The following MRS2 variants were observed in gnomAD, a reference collection of about 807,000 sequenced individuals.
MRS2 encodes the protein magnesium transporter MRS2.
MRS2 carries 40 observed loss-of-function variants against 52.6 expected under a neutral mutation model. The observed-to-expected ratio is 0.76, with a 90% CI of 0.59 to 0.99. MRS2 has a LOEUF of 0.99. Ranked by LOEUF, MRS2 falls within the 50% of genes least tolerant of loss-of-function variation. MRS2 has a pLI of 0.00. For synonymous variants in MRS2, 193 were observed against 195.9 expected (o/e 0.98, Z 0.13); for missense variants, 472 against 532.7 (o/e 0.89, Z 1.12).
intron 9 of MRS2, among the ~76,000 whole-genome samples, chr6:24,421,862 T>C (rs960549094): frequency 3.3e-5 from 5 of 152,180 alleles, no homozygotes; most frequent in African/African-American, 1.2e-4. Context: ...ACATATTGCA[T>C]ATAGGACTGG....
chr6:24,422,024 C>G (rs1426178269), intron 9 of MRS2, among the ~76,000 whole-genome samples: 1 of 150,838 alleles, frequency 6.6e-6, no homozygotes, highest in Non-Finnish European at 1.5e-5. Context: ...TGCCGCACAC[C>G]TGTAATCCCA....
At chr6:24,423,238 TAAAC>T (rs1483954729) in intron 10 of MRS2, 188 bp downstream of exon 10, 1 of 559,450 alleles carries the variant, frequency 1.8e-6, no homozygotes, top group Non-Finnish European at 3.2e-6. Flanking sequence ...TGGGAAGAAT[TAAAC>T]AATATGTGTA....
chr6:24,411,149 C>A (rs1761635485), intron 4 of MRS2, among the ~76,000 whole-genome samples: 1 of 150,388 alleles, frequency 6.6e-6, no homozygotes, highest in African/African-American at 2.4e-5. Context: ...GAGATTGCCC[C>A]ACTGCACTCC....
In MRS2 at chr6:24,423,671, A is replaced by AG; in HGVS notation, c.1311dup (p.Ser438GlufsTer20). On this transcript the variant is annotated frameshift_variant, in exon 11 of 11. Coordinates refer to ENST00000378386, the MANE Select transcript of MRS2 (RefSeq NM_020662.4). LOFTEE classifies it high-confidence loss of function. ...CAGACTGGATGGACTTGGATCAGGAAGGAGCATCCTAACAAACCGTTAGGA... is the reference window on the plus strand; with the variant it reads ...CAGACTGGATGGACTTGGATCAGGAAGGGAGCATCCTAACAAACCGTTAGGA... 6.2e-7 allele frequency: 1 copy of AG among 1,610,004 alleles called. No individual in the cohort carries two copies. The highest frequency in any genetic ancestry group is 1.3e-5 in the African/African-American group (1 of 74,946).
intron 4 of MRS2, among the ~76,000 whole-genome samples, chr6:24,410,169 G>A (rs1452006451): frequency 6.6e-6 from 1 of 152,200 alleles, no homozygotes; most frequent in African/African-American, 2.4e-5. Flanking sequence ...AGTAGACATG[G>A]GGTTTCTCCA....
chr6:24,405,364 G>C (rs78166735), intron 2 of MRS2, 123 bp downstream of exon 2: 2 of 693,848 alleles, frequency 2.9e-6, no homozygotes, highest in South Asian at 1.8e-5. Context: ...GCTACATGTC[G>C]TGGCTGTTGT....
intron 6 of MRS2, among the ~76,000 whole-genome samples, chr6:24,416,162 A>G (rs1436623844): frequency 1.3e-5 from 2 of 152,030 alleles, no homozygotes; most frequent in East Asian, 1.9e-4. Context: ...AGCTCAAGCA[A>G]TCCTCCTGCC....
At chr6:24,412,184 C>T in intron 4 of MRS2, 38 bp from the exon 5 acceptor site, 1 of 1,348,920 alleles carries the variant, frequency 7.4e-7, no homozygotes, top group Non-Finnish European at 1.0e-6. Flanking sequence ...TATATACACT[C>T]ACATATTTAT....
intron 4 of MRS2, chr6:24,410,866 A>G (rs1561808331): frequency 1.2e-6 from 1 of 818,640 alleles, no homozygotes; most frequent in Non-Finnish European, 1.9e-6. Context: ...TATGGTGTTC[A>G]CTGCAATCTT....
intron 2 of MRS2, among the ~76,000 whole-genome samples, chr6:24,405,696 G>A (rs534851207): frequency 6.7e-6 from 1 of 149,790 alleles, no homozygotes; most frequent in Non-Finnish European, 1.5e-5. Context: ...GGCTGTTGGG[G>A]CAAAATGTTA....
At chr6:24,412,981 G>A (rs765191310) in intron 5 of MRS2, among the ~76,000 whole-genome samples, 1 of 152,160 alleles carries the variant, frequency 6.6e-6, no homozygotes, top group Non-Finnish European at 1.5e-5. Context: ...GACATGAGGT[G>A]CATTGGGTTG....
chr6:24,423,631 A>G lies in MRS2; in HGVS notation c.1269A>G (p.Glu423=). The G allele has an allele frequency of 6.2e-7, 1 of 1,612,920 alleles. No individual in the cohort carries two copies. Among genetic ancestry groups the G allele is most frequent in the Non-Finnish European group, 8.5e-7 (1 of 1,179,070 alleles). ...KKTLLADRSM[E]LKNSLRLDGL... The stretch of plus-strand genomic sequence containing the variant: ...CTCTTCTGGCAGATAGAAGCATGGA[A>G]TTGAAAAATAGCCTCAGACTGGATG... The change falls in exon 11 of 11, where the codon GAA becomes GAG. Residue 423 remains glutamate, a synonymous_variant. Coordinates refer to ENST00000378386, the MANE Select transcript of MRS2 (RefSeq NM_020662.4).
Position 24,423,666 on chromosome 6 carries a change from C to G in MRS2, c.1304C>G (p.Ser435Ter). The G allele has an allele frequency of 6.2e-7, 1 of 1,609,614 alleles. No homozygotes were observed. The highest frequency in any genetic ancestry group is 8.5e-7 in the Non-Finnish European group (1 of 1,176,488). ...KNSLRLDGLG[S>*]GRSILTNR ...AGCCTCAGACTGGATGGACTTGGATCAGGAAGGAGCATCCTAACAAACCGT... is the reference window on the plus strand; with the variant it reads ...AGCCTCAGACTGGATGGACTTGGATGAGGAAGGAGCATCCTAACAAACCGT... The change falls in exon 11 of 11, where the codon TCA (serine) becomes TGA (stop). Residue 435 changes from serine to a stop codon, truncating the protein, a stop_gained. Transcript: ENST00000378386. LOFTEE classifies it high-confidence loss of function.
rs1761581138 is a variant in MRS2, at chr6:24,409,477, A to G, written c.318A>G (p.Glu106=). 6.2e-7 allele frequency: 1 copy of G among 1,605,726 alleles called. No individual in the cohort carries two copies. Among genetic ancestry groups the G allele is most frequent in the African/African-American group, 1.3e-5 (1 of 74,680 alleles). ...NVTSFERKKT[E]LYQELGLQAR... is the part of the protein sequence containing the mutation. ...CTTTTATAGAAAGGAAGAAAACTGAATTATACCAAGAGTTAGGTCTTCAAG... is the reference window on the plus strand; with the variant it reads ...CTTTTATAGAAAGGAAGAAAACTGAGTTATACCAAGAGTTAGGTCTTCAAG... The change falls in exon 4 of 11, where the codon GAA becomes GAG. Residue 106 remains glutamate (E), a synonymous_variant. Coordinates refer to ENST00000378386, the MANE Select transcript of MRS2 (RefSeq NM_020662.4).
At position 24,418,178 on chromosome 6, in the gene MRS2, C is replaced by G; in HGVS notation, c.931C>G (p.Arg311Gly). 6.2e-7 allele frequency: 1 copy of G among 1,613,586 alleles called. No homozygotes were observed. Among genetic ancestry groups the G allele is most frequent in the African/African-American group, 1.3e-5 (1 of 74,976 alleles). The change falls in exon 8 of 11, where the codon CGT (arginine) becomes GGT (glycine). Residue 311 changes from arginine (R) to glycine (G), a missense_variant. Arg to Gly is a moderately radical substitution (Grantham distance 125). Transcript: ENST00000378386. ...GGCTGACGATCTCTCCAATGCAGCT[C>G]GTGAGCTTAGGGTGCTGATTGATGA... The part of the protein sequence containing the change: ...RLADDLSNAA[R>G]ELRVLIDDSQ...
intron 1 of MRS2, among the ~76,000 whole-genome samples, chr6:24,404,469 G>T (rs941641812): frequency 2.0e-5 from 3 of 151,408 alleles, no homozygotes; most frequent in Non-Finnish European, 4.4e-5. Flanking sequence ...TCAGAAATAG[G>T]TTTTTTTTTC....
At chr6:24,408,533 A>AC in intron 3 of MRS2, 89 bp downstream of exon 3, 4 of 951,994 alleles carry the variant, frequency 4.2e-6, no homozygotes, top group South Asian at 1.4e-5. Flanking sequence ...TGAGTAAAAT[A>AC]TTCTTTGCAT....
chr6:24,418,295 T>C (rs1334020087), intron 8 of MRS2, 59 bp downstream of exon 8: 1 of 1,477,148 alleles, frequency 6.8e-7, no homozygotes, highest in African/African-American at 1.4e-5. Flanking sequence ...AGAAAGTTTT[T>C]AAGGAAATAT....
chr6:24,422,803 T>A (rs913499637), intron 9 of MRS2, 134 bp from the exon 10 acceptor site: 3 of 523,646 alleles, frequency 5.7e-6, no homozygotes, highest in Middle Eastern at 5.3e-4. Flanking sequence ...GGCCCTTGTT[T>A]TTCTTAGTTC....
Sources: gnomAD v4.1 joint callset for allele counts (sites outside exome capture counted in the v4.1 genomes callset) on GRCh38, gnomAD v4.1.1 for gene constraint, MANE v1.5 for transcripts, NCBI Gene and HGNC (gene_info 2026-07-23, HGNC 2026-07-21) for gene names.